RFC3: variants seen among roughly 807,000 people sequenced by gnomAD.
The protein encoded by RFC3 is A1 38 kDa subunit.
Under a neutral mutation model 45.1 loss-of-function variants are expected in RFC3, and 41 were observed. The observed-to-expected ratio is 0.91, with a 90% confidence interval of 0.71 to 1.18. The LOEUF is 1.18. RFC3 is among the 50% of genes most tolerant of loss of function. RFC3 has a pLI of 0.00. For synonymous variants in RFC3, 149 were observed against 144.0 expected (o/e 1.03, Z -0.25); for missense variants, 423 against 428.1 (o/e 0.99, Z 0.10).
rs3135554 is a variant in RFC3 at position 33,821,309 on chromosome 13, CG to C, written c.225+44del. On this transcript the variant is annotated intron_variant, in intron 2 of 8. Transcript: ENST00000380071. ...TTGAGGCCCTGAAAGTAATTTATAGCGGGGACTTTCAGTCTTGGTCATGTAT... is the reference window on the plus strand; with the variant it reads ...TTGAGGCCCTGAAAGTAATTTATAGCGGGACTTTCAGTCTTGGTCATGTAT... 10,273 of 1,600,156 alleles carry C rather than the reference CG, an allele frequency of 6.4e-3. 639 individuals are homozygous for C. The Admixed American group carries it at 0.13, about 20-fold the overall frequency.
chr13:33,848,887 G>C (rs1035165613), intron 8 of RFC3: 5 of 152,090 alleles, frequency 3.3e-5, no homozygotes, highest in Admixed American at 2.0e-4. Flanking sequence ...GACCACTAAG[G>C]GCAACTTCTA....
intron 8 of RFC3, among the ~76,000 whole-genome samples, chr13:33,919,846 G>A (rs565217528): frequency 3.3e-5 from 5 of 152,094 alleles, no homozygotes; most frequent in East Asian, 1.9e-4. Flanking sequence ...CTAAATGGTC[G>A]TAGATAAAAT....
chr13:33,907,442 GAA>G (rs1313642282), intron 8 of RFC3, among the ~76,000 whole-genome samples: 1 of 151,912 alleles, frequency 6.6e-6, no homozygotes, highest in Non-Finnish European at 1.5e-5. Context: ...TAAAATAAAT[GAA>G]AAGTTAATTG....
At chr13:33,944,035 G>A (rs1278010811) in intron 8 of RFC3, among the ~76,000 whole-genome samples, 4 of 152,068 alleles carry the variant, frequency 2.6e-5, no homozygotes, top group Non-Finnish European at 5.9e-5. Flanking sequence ...AAGCTGCTTG[G>A]CCCTAGAGCA....
the RFC3 span, among the ~76,000 whole-genome samples, chr13:33,973,450 C>A: frequency 6.6e-6 from 1 of 152,086 alleles, no homozygotes; most frequent in Admixed American, 6.6e-5. Context: ...ACTTTTGCAG[C>A]CACATCTGGA....
At chr13:33,877,933 C>T (rs1465713383) in intron 8 of RFC3, among the ~76,000 whole-genome samples, 1 of 151,448 alleles carries the variant, frequency 6.6e-6, no homozygotes, top group East Asian at 1.9e-4. Flanking sequence ...ATTATAGCCT[C>T]TGCCCTCAAG....
intron 8 of RFC3, among the ~76,000 whole-genome samples, chr13:33,925,504 A>G (rs1033844635): frequency 1.1e-4 from 15 of 141,684 alleles, no homozygotes; most frequent in Non-Finnish European, 2.0e-4. Flanking sequence ...TACTATATAC[A>G]TACATACATA....
rs1024832558 is a variant in RFC3, at chr13:33,950,433, G to A, written c.880-15654G>A. Among the ~76,000 whole-genome samples the A allele has an allele frequency of 3.9e-5, 6 of 152,134 alleles. 1 individual carries two copies. The highest frequency in any genetic ancestry group is 3.3e-4 in the Admixed American group (5 of 15,276). ...AAGTCTTTGTATTATTATAAAAATA[G>A]TGTTGACCTGTGGATCCCTAAAAGG... On this transcript the variant is annotated intron_variant, in intron 8 of 8. Transcript: ENST00000434425.
downstream of RFC3, among the ~76,000 whole-genome samples, chr13:33,966,924 A>G (rs942625125): frequency 6.6e-6 from 1 of 152,110 alleles, no homozygotes; most frequent in African/African-American, 2.4e-5. Flanking sequence ...TGGGAGGTCA[A>G]GGCAGGCATA....
chr13:33,818,348 T>TCCCGC lies in RFC3; in HGVS notation c.87+86_87+90dup, dbSNP rs1308970341. On this transcript the variant is annotated intron_variant, in intron 1 of 8. Coordinates refer to ENST00000380071, the MANE Select transcript of RFC3 (RefSeq NM_002915.4). ...GCGCCCCCCTGAGGAGCAGTGCTTC[T>TCCCGC]CCCGCCCGCATTGGAAGGTGATAAG... The TCCCGC allele has an allele frequency of 7.2e-5, 80 of 1,103,528 alleles. No homozygotes were observed. In the East Asian group the frequency reaches 1.8e-3, roughly 24 times the overall value. 68.4% of individuals were successfully genotyped at this position (1,103,528 alleles called of 1,614,324 possible).
intron 8 of RFC3, among the ~76,000 whole-genome samples, chr13:33,871,846 A>G (rs2082412081): frequency 6.6e-6 from 1 of 152,148 alleles, no homozygotes; most frequent in South Asian, 2.1e-4. Flanking sequence ...AAGGGCCGGT[A>G]TCCCCACTAT....
At chr13:33,873,501 G>A (rs986158410) in intron 8 of RFC3, among the ~76,000 whole-genome samples, 2 of 152,260 alleles carry the variant, frequency 1.3e-5, no homozygotes, top group Admixed American at 1.3e-4. Context: ...AGACATCCAT[G>A]GAGTGTCTGA....
intron 8 of RFC3, among the ~76,000 whole-genome samples, chr13:33,868,345 T>C (rs2082386814): frequency 6.6e-6 from 1 of 152,074 alleles, no homozygotes; most frequent in African/African-American, 2.4e-5. Context: ...GCAGGGAAAC[T>C]AAGGCTGATT....
intron 8 of RFC3, among the ~76,000 whole-genome samples, chr13:33,864,596 CA>C (rs2082361535): frequency 1.3e-5 from 2 of 151,852 alleles, no homozygotes; most frequent in African/African-American, 2.4e-5. Flanking sequence ...GACTGGAGGT[CA>C]GGGGTGACCT....
intron 8 of RFC3, among the ~76,000 whole-genome samples, chr13:33,895,992 C>T (rs2137649692): frequency 6.6e-6 from 1 of 152,108 alleles, no homozygotes; most frequent in Non-Finnish European, 1.5e-5. Context: ...GTATAATGGA[C>T]TTTGGAGACT....
chr13:33,832,429 A>C (rs919054612), intron 7 of RFC3, among the ~76,000 whole-genome samples: 14 of 152,198 alleles, frequency 9.2e-5, no homozygotes, highest in Admixed American at 2.0e-4. Flanking sequence ...GATGAATTCT[A>C]ATTTTTTAAG....
chr13:33,925,595 TATAC>T (rs1301788332), intron 8 of RFC3, among the ~76,000 whole-genome samples: 1 of 150,520 alleles, frequency 6.6e-6, no homozygotes, highest in Non-Finnish European at 1.5e-5. Flanking sequence ...TAGTGTACTA[TATAC>T]ATACATATAT....
chr13:33,892,100 A>G (rs1289413707), intron 8 of RFC3, among the ~76,000 whole-genome samples: 2 of 151,978 alleles, frequency 1.3e-5, no homozygotes, highest in African/African-American at 4.8e-5. Context: ...TTAAAAATCC[A>G]ATAACTCCAT....
At chr13:33,844,032 T>C (rs2082219412) in intron 8 of RFC3, among the ~76,000 whole-genome samples, 1 of 152,216 alleles carries the variant, frequency 6.6e-6, no homozygotes. Context: ...ATGTTGATTG[T>C]CTTTTTCTTT....
Sources: allele counts gnomAD v4.1 joint callset (sites outside exome capture counted in the v4.1 genomes callset), GRCh38; gene constraint gnomAD v4.1.1; transcripts MANE v1.5; gene names NCBI Gene and HGNC (gene_info 2026-07-23, HGNC 2026-07-21).